The following HARS1 variants were observed in gnomAD, a reference collection of about 807,000 sequenced individuals.
The protein encoded by HARS1 is histidyl-tRNA synthetase 1, also known as histidine--tRNA ligase, cytoplasmic.
HARS1 carries 45 observed loss-of-function variants against 63.6 expected under a neutral mutation model. The observed-to-expected ratio is 0.71, with a 90% CI of 0.56 to 0.91. The LOEUF (loss-of-function observed/expected upper bound fraction) is 0.91. Among genes scored for constraint, HARS1 ranks in the 40% least tolerant of loss-of-function variants. HARS1 has a pLI of 0.00. For synonymous variants in HARS1, 205 were observed against 247.1 expected, an observed-to-expected ratio of 0.83 and a Z score of 1.60; for missense variants, 508 against 643.2, an observed-to-expected ratio of 0.79 and a Z score of 2.27.
chr5:140,683,031 G>C, intron 3 of HARS1, 69 bp downstream of exon 3: 1 of 1,495,646 alleles, frequency 6.7e-7, no homozygotes, highest in Non-Finnish European at 9.3e-7. Context: ...TCACTCTCTT[G>C]TTGTCATCTT....
chr5:140,690,485 T>C (rs1003955431), intron 2 of HARS1, among the ~76,000 whole-genome samples: 1 of 152,164 alleles, frequency 6.6e-6, no homozygotes, highest in African/African-American at 2.4e-5. Context: ...GGATTATTTG[T>C]TCTAAGTCTC....
intron 2 of HARS1, among the ~76,000 whole-genome samples, chr5:140,686,947 A>G (rs1211730320): frequency 6.6e-6 from 1 of 152,198 alleles, no homozygotes; most frequent in African/African-American, 2.4e-5. Flanking sequence ...TTCACTGCCT[A>G]CAAGTACTGT....
At position 140,674,750 on chromosome 5, in the gene HARS1, C is replaced by T. The variant is rs139699964; in HGVS notation, c.1387G>A (p.Val463Met). The part of the protein sequence containing the change: ...QYCEEAGIPL[V>M]AIIGEQELKD... ...AGTTCCTGCTCGCCGATGATAGCCA[C>T]CAGTGGGATGCCTGCCTCCTCACAG... The change falls in exon 12 of 13, where the codon GTG (valine) becomes ATG (methionine). Residue 463 changes from valine to methionine, a missense_variant. Transcript: ENST00000504156. The T allele has an allele frequency of 1.2e-5, 19 of 1,614,072 alleles. No individual in the cohort carries two copies. The highest frequency in any genetic ancestry group is 1.5e-5 in the Non-Finnish European group (18 of 1,180,034).
At position 140,674,691 on chromosome 5, in the gene HARS1, C is replaced by T. The variant is rs756452677; in HGVS notation, c.1446G>A (p.Thr482=). The change falls in exon 12 of 13, where the codon ACG becomes ACA. Residue 482 remains threonine (T), a synonymous_variant. Transcript: ENST00000504156. ...CCACCTCCCTCACCTCTTCCCTGCT[C>T]GTCACTGAACGGAGCTTGATGACCC... is the stretch of plus-strand genomic sequence containing the variant. ...KDGVIKLRSV[T]SREEVDVRRE... 30 of 1,614,100 alleles carry T rather than the reference C, an allele frequency of 1.9e-5. No individual in the cohort carries two copies. The highest frequency in any genetic ancestry group is 8.8e-5 in the South Asian group (8 of 91,074).
rs1758262158 is a variant in HARS1 at position 140,674,807 on chromosome 5, T to C, written c.1330A>G (p.Lys444Glu). The change falls in exon 12 of 13, where the codon AAG becomes GAG. Residue 444 changes from lysine to glutamate, a missense_variant. Physicochemically the swap from Lys to Glu is moderately conservative, Grantham distance 56. This residue lies in a region of HARS1 where 403 missense variants were observed against 548.7 expected (regional missense o/e 0.73). Transcript: ENST00000504156. ...AACTGGTTCAGTAGCTTTGGGTTCT[T>C]CTTGTACAGCAGCTCAGCCTGCAGG... ...AGIKAELLYK[K>E]NPKLLNQLQY... The C allele has an allele frequency of 6.2e-7, 1 of 1,614,206 alleles. No homozygotes were observed. Among genetic ancestry groups the C allele is most frequent in the Non-Finnish European group, 8.5e-7 (1 of 1,180,024 alleles).
Position 140,677,071 on chromosome 5 carries a change from G to C in HARS1, c.869C>G (p.Ser290Cys). The C allele has an allele frequency of 1.9e-6, 3 of 1,614,114 alleles. No individual in the cohort carries two copies. Among genetic ancestry groups the C allele is most frequent in the Non-Finnish European group, 2.5e-6 (3 of 1,179,988 alleles). Residue 290 changes from serine to cysteine, a missense_variant, in exon 9 of 13, where the codon TCC becomes TGC. Coordinates refer to ENST00000504156, the MANE Select transcript of HARS1 (RefSeq NM_002109.6). ...VEQLLQDPKL[S>C]QNKQALEGLG... is the part of the protein sequence containing the mutation. ...GCCCTCCAAGGCCTGCTTGTTTTGG[G>C]ATAGTTTAGGATCCTGGAGCAGCTG...
At position 140,691,346 on chromosome 5, in the gene HARS1, T is replaced by C; in HGVS notation, c.-42A>G. ...AGCCGCCTGCTGTCTCGACCTGCGG[T>C]GGTTGCCCCAGCCTCAGCAAGGATG... is the stretch of plus-strand genomic sequence containing the variant. On this transcript the variant is annotated 5_prime_UTR_variant, in exon 1 of 13. Transcript: ENST00000504156. The C allele has an allele frequency of 6.8e-7, 1 of 1,477,956 alleles. No individual in the cohort carries two copies. The highest frequency in any genetic ancestry group is 9.3e-7 in the Non-Finnish European group (1 of 1,079,226). The allele number at this position is 1,477,956 out of a possible 1,614,324, so 91.6% of individuals were successfully genotyped here.
At chr5:140,684,331 AAAT>A in intron 2 of HARS1, 1 of 981,898 alleles carries the variant, frequency 1.0e-6, no homozygotes, top group East Asian at 1.1e-4. Flanking sequence ...AAACAAACAA[AAAT>A]AATAACAACA....
rs1262678042 is a variant in HARS1, at chr5:140,679,557, T to C, written c.396+231A>G. ...GTATTCTGGAGCCAGGGGATGACTG[T>C]AGAGTTGGAACTGGGCCCTGACATC... On this transcript the variant is annotated intron_variant, in intron 4 of 12. Coordinates refer to ENST00000504156, the MANE Select transcript of HARS1 (RefSeq NM_002109.6). This position sits in a 1 kb window ranked among gnomAD's most constrained non-coding sequence, Gnocchi z 4.3. 4.1e-6 allele frequency: 2 copies of C among 486,974 alleles called. No homozygotes were observed. The highest frequency in any genetic ancestry group is 2.0e-5 in the African/African-American group (1 of 50,314). The allele number at this position is 486,974 out of a possible 1,614,324, so 30.2% of individuals were successfully genotyped here.
intron 2 of HARS1, chr5:140,685,327 A>G (rs1758963669): frequency 6.6e-6 from 1 of 152,164 alleles, no homozygotes; most frequent in African/African-American, 2.4e-5. Context: ...TTTAATGGGT[A>G]CAGAGTTTCA....
chr5:140,674,925 A>C, intron 11 of HARS1, 92 bp downstream of exon 11: 1 of 1,494,870 alleles, frequency 6.7e-7, no homozygotes, highest in South Asian at 1.1e-5. Context: ...ACTTTTGAGA[A>C]GTAATGGCAG....
chr5:140,685,196 A>G (rs1227917212), intron 2 of HARS1: 3 of 151,962 alleles, frequency 2.0e-5, no homozygotes, highest in Admixed American at 2.0e-4. Context: ...AAAAAAAAAA[A>G]AAGAACAATT....
chr5:140,674,670 C>T lies in HARS1; in HGVS notation c.1458+9G>A. 1 of 1,614,214 alleles carries T rather than the reference C, an allele frequency of 6.2e-7. No homozygotes were observed. The highest frequency in any genetic ancestry group is 8.5e-7 in the Non-Finnish European group (1 of 1,180,002). On this transcript the variant is annotated intron_variant, in intron 12 of 12. Coordinates refer to ENST00000504156, the MANE Select transcript of HARS1 (RefSeq NM_002109.6). ...TCTGTCCCTTAGCCTTCCTGCCCAC[C>T]TCCCTCACCTCTTCCCTGCTCGTCA... is the stretch of plus-strand genomic sequence containing the variant.
chr5:140,674,631 A>T (rs750270298), intron 12 of HARS1, 48 bp downstream of exon 12: 2 of 1,608,142 alleles, frequency 1.2e-6, no homozygotes, highest in Middle Eastern at 1.7e-4. Context: ...GGCCTGCCAA[A>T]ATGGCATACA....
chr5:140,683,385 A>G (rs1323499268), intron 2 of HARS1, among the ~76,000 whole-genome samples, 166 bp from the exon 3 acceptor site: 3 of 152,232 alleles, frequency 2.0e-5, no homozygotes, highest in Non-Finnish European at 4.4e-5. Flanking sequence ...ATAATTCCCT[A>G]TTAATTCCCA....
chr5:140,683,119 G>T lies in HARS1; in HGVS notation c.281C>A (p.Thr94Lys). 6.2e-7 allele frequency: 1 copy of T among 1,613,962 alleles called. No homozygotes were observed. Among genetic ancestry groups the T allele is most frequent in the Non-Finnish European group, 8.5e-7 (1 of 1,179,854 alleles). Residue 94 changes from threonine to lysine, a missense_variant, in exon 3 of 13, where the codon ACA (threonine) becomes AAA (lysine). Coordinates refer to ENST00000504156, the MANE Select transcript of HARS1 (RefSeq NM_002109.6). ...FKRHGAEVIDTPVFELKETLM... is the reference protein window; with the variant it reads ...FKRHGAEVIDKPVFELKETLM... ...CCTCACCTTTAGTTCAAATACAGGT[G>T]TATCAATGACTTCTGCACCGTGGCG...
At chr5:140,680,557 T>C (rs1052316581) in intron 3 of HARS1, among the ~76,000 whole-genome samples, 1 of 152,174 alleles carries the variant, frequency 6.6e-6, no homozygotes, top group African/African-American at 2.4e-5. Flanking sequence ...AAAAAAATTT[T>C]TTTAGGCCAG....
intron 5 of HARS1, chr5:140,678,364 T>C: frequency 3.3e-6 from 1 of 302,188 alleles, no homozygotes. Flanking sequence ...ATTTCCTTAT[T>C]CTCTGCTGTG....
chr5:140,679,772 A>C lies in HARS1; in HGVS notation c.396+16T>G. ...AATCCATCCAAAGTCTCAAGAGCCC[A>C]AGTTTAGAAAGATACAGTGAGGTCA... On this transcript the variant is annotated intron_variant, in intron 4 of 12. Transcript: ENST00000504156. The surrounding 1 kb of genome is among the most constrained non-coding windows in gnomAD (Gnocchi z 4.3). 7.0e-7 allele frequency: 1 copy of C among 1,433,822 alleles called. No homozygotes were observed. The highest frequency in any genetic ancestry group is 2.3e-5 in the East Asian group (1 of 43,744). 88.8% of individuals were successfully genotyped at this position (1,433,822 alleles called of 1,614,324 possible).
Sources: gnomAD v4.1 joint callset for allele counts (sites outside exome capture counted in the v4.1 genomes callset) on GRCh38, gnomAD v4.1.1 for gene constraint, gnomAD v4.1.1 regional missense constraint, Gnocchi (gnomAD v3.1) non-coding constraint, MANE v1.5 for transcripts, NCBI Gene and HGNC (gene_info 2026-07-23, HGNC 2026-07-21) for gene names.